Variants in CNTNAP5 observed in about 807,000 individuals in gnomAD.
The protein encoded by CNTNAP5 is contactin associated protein family member 5.
CNTNAP5 carries 72 observed loss-of-function variants against 150.2 expected under a neutral mutation model. That is an observed-to-expected ratio of 0.48 (90% CI 0.40 to 0.58). The LOEUF (loss-of-function observed/expected upper bound fraction) is 0.58. Among genes scored for constraint, CNTNAP5 ranks in the 20% least tolerant of loss-of-function variants. The probability of loss-of-function intolerance (pLI) is 0.00; values close to 1 mark genes in which losing one functional copy is unlikely to be tolerated. For missense variants in CNTNAP5, 1,636 were observed against 1,626.2 expected (o/e 1.01, Z -0.10); for synonymous variants, 672 against 619.8 (o/e 1.08, Z -1.25).
chr2:124,140,123 G>T (rs1684078619), intron 1 of CNTNAP5, among the ~76,000 whole-genome samples: 1 of 151,602 alleles, frequency 6.6e-6, no homozygotes, highest in Non-Finnish European at 1.5e-5. Flanking sequence ...TCCCACACCT[G>T]GCTCAGAGGG....
At chr2:124,349,170 T>C (rs1275274912) in intron 3 of CNTNAP5, among the ~76,000 whole-genome samples, 6 of 79,766 alleles carry the variant, frequency 7.5e-5, no homozygotes, top group Admixed American at 6.2e-4. Flanking sequence ...GTGAACATCA[T>C]AGAGTGTACT....
At chr2:124,304,977 C>A (rs1034540791) in intron 3 of CNTNAP5, among the ~76,000 whole-genome samples, 1 of 151,862 alleles carries the variant, frequency 6.6e-6, no homozygotes, top group Admixed American at 6.6e-5. Context: ...GGAATAGTCA[C>A]ACTGCAGGCC....
At chr2:124,456,672 T>C (rs1005371301) in intron 6 of CNTNAP5, among the ~76,000 whole-genome samples, 4 of 151,950 alleles carry the variant, frequency 2.6e-5, no homozygotes, top group African/African-American at 7.3e-5. Context: ...AACTATACTA[T>C]AAGGCCATAG....
chr2:124,143,938 G>C (rs1215770210), intron 1 of CNTNAP5, among the ~76,000 whole-genome samples: 3 of 147,460 alleles, frequency 2.0e-5, no homozygotes, highest in South Asian at 4.4e-4. Context: ...AGCAACTTCA[G>C]CAAAGTCTCA....
chr2:124,846,089 G>A (rs1033064551), intron 19 of CNTNAP5, among the ~76,000 whole-genome samples: 2 of 151,952 alleles, frequency 1.3e-5, no homozygotes, highest in African/African-American at 4.8e-5. Context: ...TCCATGAGGT[G>A]TGACCTTAGA....
At chr2:124,623,709 T>C (rs1677664505) in intron 12 of CNTNAP5, among the ~76,000 whole-genome samples, 2 of 152,288 alleles carry the variant, frequency 1.3e-5, no homozygotes, top group African/African-American at 4.8e-5. Context: ...TGGAAACACA[T>C]CCACTGTCTT....
intron 10 of CNTNAP5, among the ~76,000 whole-genome samples, chr2:124,562,791 G>C (rs1299674585): frequency 6.6e-6 from 1 of 152,098 alleles, no homozygotes. Flanking sequence ...TTCCCCAAAA[G>C]AGAAGCATGA....
intron 3 of CNTNAP5, among the ~76,000 whole-genome samples, chr2:124,380,512 A>G (rs1300624556): frequency 6.6e-6 from 1 of 152,208 alleles, no homozygotes; most frequent in African/African-American, 2.4e-5. Flanking sequence ...TTCTGTCTCC[A>G]TCAAATAAGC....
chr2:124,561,491 A>G (rs1185837115), intron 10 of CNTNAP5, among the ~76,000 whole-genome samples: 1 of 152,128 alleles, frequency 6.6e-6, no homozygotes, highest in Non-Finnish European at 1.5e-5. Flanking sequence ...GGTGGGAATA[A>G]AAAGGAAAGG....
At chr2:124,851,871 A>G (rs1200076548) in intron 19 of CNTNAP5, among the ~76,000 whole-genome samples, 1 of 152,174 alleles carries the variant, frequency 6.6e-6, no homozygotes, top group Non-Finnish European at 1.5e-5. Context: ...CCACCAGATA[A>G]ACCATTCAAA....
At chr2:124,468,518 C>T (rs950231146) in intron 6 of CNTNAP5, among the ~76,000 whole-genome samples, 1 of 152,032 alleles carries the variant, frequency 6.6e-6, no homozygotes, top group Non-Finnish European at 1.5e-5. Flanking sequence ...CTAGATGGGG[C>T]CCACCCACAC....
intron 13 of CNTNAP5, among the ~76,000 whole-genome samples, chr2:124,727,424 C>A (rs1375633159): frequency 6.6e-6 from 1 of 151,800 alleles, no homozygotes; most frequent in African/African-American, 2.4e-5. Context: ...GTCATTTTAG[C>A]AATATTAACT....
chr2:124,383,617 A>G (rs1690856531), intron 3 of CNTNAP5, among the ~76,000 whole-genome samples: 1 of 152,184 alleles, frequency 6.6e-6, no homozygotes, highest in Admixed American at 6.5e-5. Flanking sequence ...GCCATATGCT[A>G]GCTGTTATTT....
intron 4 of CNTNAP5, among the ~76,000 whole-genome samples, chr2:124,427,409 T>G (rs559262648): frequency 7.9e-5 from 12 of 152,268 alleles, no homozygotes; most frequent in Admixed American, 2.0e-4. Flanking sequence ...TCCATTGATA[T>G]CAGGGTCACA....
chr2:124,325,164 G>A (rs866364640), intron 3 of CNTNAP5, among the ~76,000 whole-genome samples: 38 of 152,070 alleles, frequency 2.5e-4, no homozygotes, highest in East Asian at 9.6e-4. Flanking sequence ...AAGAAACCTC[G>A]GAGAGCTGCC....
At chr2:124,163,857 C>T (rs976218276) in intron 1 of CNTNAP5, among the ~76,000 whole-genome samples, 1 of 38,490 alleles carries the variant, frequency 2.6e-5, no homozygotes, top group Non-Finnish European at 5.9e-5. Context: ...TTCTGCATGC[C>T]TCTAAGAAAA....
intron 7 of CNTNAP5, among the ~76,000 whole-genome samples, chr2:124,493,152 A>G (rs973226175): frequency 6.6e-6 from 1 of 151,954 alleles, no homozygotes; most frequent in Non-Finnish European, 1.5e-5. Context: ...TTCCTTCTAC[A>G]CCTAAATCGT....
chr2:124,246,156 A>G (rs1488644216), intron 3 of CNTNAP5, among the ~76,000 whole-genome samples: 4 of 152,204 alleles, frequency 2.6e-5, no homozygotes, highest in Non-Finnish European at 5.9e-5. Context: ...TACATAGCAC[A>G]TCCTGAGGAT....
chr2:124,057,923 C>A (rs1181434019), intron 1 of CNTNAP5, among the ~76,000 whole-genome samples: 42 of 152,050 alleles, frequency 2.8e-4, no homozygotes, highest in Non-Finnish European at 2.9e-5. Context: ...ATGCTTGTAT[C>A]AAAGTATCTC....
Sources: allele counts gnomAD v4.1 joint callset (sites outside exome capture counted in the v4.1 genomes callset), GRCh38; gene constraint gnomAD v4.1.1; transcripts MANE v1.5; gene names NCBI Gene and HGNC (gene_info 2026-07-23, HGNC 2026-07-21).